The following NAA11 variants were observed in gnomAD, a reference collection of about 807,000 sequenced individuals.
The protein encoded by NAA11 is N-alpha-acetyltransferase 11.
In NAA11, 15 loss-of-function variants were observed where a neutral mutation model predicts 16.1. The ratio of observed to expected loss-of-function variants is 0.93; its 90% CI spans 0.62 to 1.44. NAA11 has a LOEUF of 1.44. NAA11 is among the 40% of genes most tolerant of loss of function. The pLI is 0.00. For missense variants in NAA11, 298 were observed against 291.3 expected (o/e 1.02, Z -0.17); for synonymous variants, 122 against 112.4 (o/e 1.09, Z -0.54).
chr4:79,277,395 GCTT>G (rs889856181), intron 2 of NAA11, among the ~76,000 whole-genome samples: 10 of 151,952 alleles, frequency 6.6e-5, no homozygotes, highest in Non-Finnish European at 8.8e-5. Context: ...ATCCAGAGAA[GCTT>G]CTTCTTTTAG....
intron 2 of NAA11, among the ~76,000 whole-genome samples, chr4:79,230,401 G>T (rs1346196136): frequency 6.6e-6 from 1 of 151,790 alleles, no homozygotes; most frequent in Non-Finnish European, 1.5e-5. Flanking sequence ...TTGTGCACAT[G>T]TACCCTAAAA....
At chr4:79,277,274 T>C (rs929430110) in intron 2 of NAA11, among the ~76,000 whole-genome samples, 1 of 152,132 alleles carries the variant, frequency 6.6e-6, no homozygotes. Context: ...GCAGCCGTTA[T>C]AGGTGTACTT....
chr4:79,158,233 T>A, the NAA11 span, among the ~76,000 whole-genome samples: 1 of 151,962 alleles, frequency 6.6e-6, no homozygotes, highest in Non-Finnish European at 1.5e-5. Context: ...TCCAAAAAGC[T>A]CCTAGAACTG....
At chr4:79,170,891 T>C in the NAA11 span, among the ~76,000 whole-genome samples, 1 of 151,566 alleles carries the variant, frequency 6.6e-6, no homozygotes, top group Non-Finnish European at 1.5e-5. Flanking sequence ...CTGAGATGGC[T>C]ATGTAAAGTA....
chr4:79,215,516 T>C, the NAA11 span, among the ~76,000 whole-genome samples: 1 of 152,212 alleles, frequency 6.6e-6, no homozygotes, highest in African/African-American at 2.4e-5. Flanking sequence ...GTTGGGCTGC[T>C]TTCTGGGTTT....
intron 2 of NAA11, among the ~76,000 whole-genome samples, chr4:79,268,534 A>C (rs902039144): frequency 6.6e-6 from 1 of 152,118 alleles, no homozygotes; most frequent in Admixed American, 6.6e-5. Flanking sequence ...GTTTCATTGC[A>C]ACACAAGTAA....
chr4:79,310,786 G>A (rs1723749491), intron 1 of NAA11, among the ~76,000 whole-genome samples: 1 of 152,148 alleles, frequency 6.6e-6, no homozygotes, highest in Admixed American at 6.5e-5. Flanking sequence ...TATGAAAGTT[G>A]CTTATTACCA....
At chr4:79,216,857 T>TTTTTATTG in the NAA11 span, among the ~76,000 whole-genome samples, 1 of 152,132 alleles carries the variant, frequency 6.6e-6, no homozygotes, top group Non-Finnish European at 1.5e-5. Context: ...ATGGCTTCAA[T>TTTTTATTG]ACAAGGCCTC....
At chr4:79,159,689 AT>A in the NAA11 span, among the ~76,000 whole-genome samples, 1 of 152,314 alleles carries the variant, frequency 6.6e-6, no homozygotes, top group Admixed American at 6.5e-5. Flanking sequence ...CAACCTAATA[AT>A]TAGAAGTCAC....
the NAA11 span, among the ~76,000 whole-genome samples, chr4:79,206,698 A>C: frequency 2.6e-5 from 4 of 152,256 alleles, no homozygotes; most frequent in African/African-American, 9.6e-5. Context: ...GCCAGTCAAG[A>C]CAAATACAGA....
At chr4:79,175,518 A>C in the NAA11 span, among the ~76,000 whole-genome samples, 1 of 151,992 alleles carries the variant, frequency 6.6e-6, no homozygotes. Context: ...AGTTTGTTTC[A>C]TCTATAATTT....
At chr4:79,316,564 A>T (rs1723934279), downstream of NAA11, 1 of 152,234 alleles carries the variant, frequency 6.6e-6, no homozygotes, top group African/African-American at 2.4e-5. Flanking sequence ...ACCAGTTTTC[A>T]TAAAAGTTTA....
chr4:79,236,322 T>G (rs1721568550), intron 2 of NAA11, among the ~76,000 whole-genome samples: 1 of 151,958 alleles, frequency 6.6e-6, no homozygotes, highest in African/African-American at 2.4e-5. Context: ...GTCAGAAAAA[T>G]TTTCACCAAA....
intron 1 of NAA11, among the ~76,000 whole-genome samples, chr4:79,296,408 A>ACCT (rs1560457407): frequency 1.3e-5 from 2 of 152,202 alleles, no homozygotes; most frequent in Non-Finnish European, 2.9e-5. Flanking sequence ...GTATTCCTAC[A>ACCT]CCTTACCCAG....
At chr4:79,281,189 G>A (rs552419145) in intron 2 of NAA11, among the ~76,000 whole-genome samples, 1 of 151,680 alleles carries the variant, frequency 6.6e-6, no homozygotes, top group South Asian at 2.1e-4. Context: ...CAGTCAAACA[G>A]CAAATGGCAA....
chr4:79,248,224 C>CA (rs1721888487), intron 2 of NAA11, among the ~76,000 whole-genome samples: 2 of 152,080 alleles, frequency 1.3e-5, no homozygotes, highest in Admixed American at 6.5e-5. Flanking sequence ...GCCTAATTGT[C>CA]AGAGAGTTCC....
At chr4:79,241,676 A>G (rs929656274) in intron 2 of NAA11, among the ~76,000 whole-genome samples, 2 of 152,230 alleles carry the variant, frequency 1.3e-5, no homozygotes, top group Non-Finnish European at 2.9e-5. Context: ...AATAACTAGT[A>G]TAGTAGGCAG....
intron 2 of NAA11, among the ~76,000 whole-genome samples, chr4:79,292,198 A>G (rs1723102667): frequency 6.6e-6 from 1 of 152,218 alleles, no homozygotes; most frequent in South Asian, 2.1e-4. Flanking sequence ...TCTCTTTGAC[A>G]CACAGCCTCT....
At chr4:79,292,213 A>G (rs778384397) in intron 2 of NAA11, among the ~76,000 whole-genome samples, 4 of 152,180 alleles carry the variant, frequency 2.6e-5, no homozygotes, top group Non-Finnish European at 5.9e-5. Flanking sequence ...GCCTCTTCTT[A>G]TTGCAGAATC....
Sources: gnomAD v4.1 joint callset for allele counts (sites outside exome capture counted in the v4.1 genomes callset) on GRCh38, gnomAD v4.1.1 for gene constraint, MANE v1.5 for transcripts, NCBI Gene and HGNC (gene_info 2026-07-23, HGNC 2026-07-21) for gene names.